The following GPC6 variants were observed in gnomAD, a reference collection of about 807,000 sequenced individuals.
The protein encoded by GPC6 is glypican 6, also known as glypican-6.
GPC6 carries 14 observed loss-of-function variants against 55.2 expected under a neutral mutation model. The ratio of observed to expected loss-of-function variants is 0.25; its 90% CI spans 0.17 to 0.40. The LOEUF (loss-of-function observed/expected upper bound fraction) is 0.40, where lower values mean the gene tolerates loss of function less well. Among genes scored for constraint, GPC6 ranks in the 10% least tolerant of loss-of-function variants. GPC6 has a pLI of 1.00. For missense variants in GPC6, 641 were observed against 708.5 expected (o/e 0.90, Z 1.08); for synonymous variants, 278 against 259.6 (o/e 1.07, Z -0.68).
At chr13:93,697,443 A>C (rs185374973) in intron 2 of GPC6, among the ~76,000 whole-genome samples, 2 of 152,038 alleles carry the variant, frequency 1.3e-5, no homozygotes, top group Non-Finnish European at 2.9e-5. Context: ...ATTTACTACT[A>C]TCCAACTTAA....
intron 1 of GPC6, among the ~76,000 whole-genome samples, chr13:93,333,112 T>C (rs1268448323): frequency 6.6e-6 from 1 of 152,204 alleles, no homozygotes; most frequent in Non-Finnish European, 1.5e-5. Context: ...CGCTTTGTAG[T>C]ATATTTCGAA....
chr13:93,379,392 A>G (rs1193935956), intron 1 of GPC6, among the ~76,000 whole-genome samples: 2 of 152,222 alleles, frequency 1.3e-5, no homozygotes, highest in African/African-American at 4.8e-5. Context: ...CATATAAGAA[A>G]TCTATTAAGA....
intron 4 of GPC6, among the ~76,000 whole-genome samples, chr13:94,129,880 A>G (rs990877532): frequency 6.6e-6 from 1 of 152,184 alleles, no homozygotes; most frequent in Non-Finnish European, 1.5e-5. Context: ...GAATGAGGTC[A>G]GTAGGATAAA....
At chr13:93,394,178 T>C (rs1184963601) in intron 1 of GPC6, among the ~76,000 whole-genome samples, 1 of 152,186 alleles carries the variant, frequency 6.6e-6, no homozygotes, top group Non-Finnish European at 1.5e-5. Flanking sequence ...GAAAATATCA[T>C]TTTCTTTCTT....
chr13:94,118,337 T>C (rs970128403), intron 4 of GPC6, among the ~76,000 whole-genome samples: 1 of 152,090 alleles, frequency 6.6e-6, no homozygotes, highest in African/African-American at 2.4e-5. Flanking sequence ...AAAATGGATA[T>C]GTTTGCTTCC....
chr13:94,285,666 A>C (rs1230714937), intron 4 of GPC6, among the ~76,000 whole-genome samples: 2 of 152,212 alleles, frequency 1.3e-5, no homozygotes, highest in African/African-American at 4.8e-5. Context: ...TGATGTCTTC[A>C]ACAGAAAACT....
chr13:93,755,124 A>G (rs1158183358), intron 2 of GPC6, among the ~76,000 whole-genome samples: 1 of 152,248 alleles, frequency 6.6e-6, no homozygotes, highest in Non-Finnish European at 1.5e-5. Context: ...GTTTCTAAAC[A>G]TATAGCAAGT....
intron 1 of GPC6, among the ~76,000 whole-genome samples, chr13:93,438,892 T>C (rs992330097): frequency 6.6e-6 from 1 of 152,064 alleles, no homozygotes; most frequent in African/African-American, 2.4e-5. Flanking sequence ...CATTTTATTG[T>C]TGTCCTATTT....
intron 2 of GPC6, among the ~76,000 whole-genome samples, chr13:93,793,499 C>T (rs1306613153): frequency 6.6e-6 from 1 of 151,902 alleles, no homozygotes; most frequent in Non-Finnish European, 1.5e-5. Context: ...TTGGTGAATT[C>T]CATGCTAAGA....
chr13:93,354,917 G>A (rs982956963), intron 1 of GPC6, among the ~76,000 whole-genome samples: 1 of 152,046 alleles, frequency 6.6e-6, no homozygotes, highest in Non-Finnish European at 1.5e-5. Context: ...ACCTTCCTGT[G>A]TTTTTATCTA....
At chr13:94,301,860 G>A (rs963500886) in intron 5 of GPC6, among the ~76,000 whole-genome samples, 12 of 152,062 alleles carry the variant, frequency 7.9e-5, no homozygotes, top group Admixed American at 5.9e-4. Flanking sequence ...TTGAACCTAT[G>A]GCCCTATCCA....
chr13:94,254,953 T>C (rs1891461033), intron 4 of GPC6, among the ~76,000 whole-genome samples: 1 of 152,156 alleles, frequency 6.6e-6, no homozygotes, highest in South Asian at 2.1e-4. Context: ...ATTTAGAACA[T>C]CTGGAAAGCA....
At chr13:94,157,807 A>C (rs888322534) in intron 4 of GPC6, among the ~76,000 whole-genome samples, 4 of 152,190 alleles carry the variant, frequency 2.6e-5, no homozygotes, top group African/African-American at 9.6e-5. Flanking sequence ...CACGTCAGCC[A>C]TGTGAGACAT....
chr13:94,013,273 C>T (rs1566286318), intron 3 of GPC6, among the ~76,000 whole-genome samples: 1 of 151,928 alleles, frequency 6.6e-6, no homozygotes, highest in African/African-American at 2.4e-5. Flanking sequence ...TTTGGAAATA[C>T]TCCAGTCTTT....
intron 1 of GPC6, among the ~76,000 whole-genome samples, chr13:93,381,505 G>C (rs1392254962): frequency 6.6e-6 from 1 of 152,024 alleles, no homozygotes; most frequent in African/African-American, 2.4e-5. Flanking sequence ...TCATATTCAG[G>C]TCTCTGAAAT....
chr13:93,936,738 G>T (rs921476996), intron 3 of GPC6, among the ~76,000 whole-genome samples: 1 of 152,262 alleles, frequency 6.6e-6, no homozygotes, highest in East Asian at 1.9e-4. Flanking sequence ...AAGAAAAAAT[G>T]AGAGACCTAC....
At chr13:93,705,374 CAGAGT>C (rs1455764436) in intron 2 of GPC6, among the ~76,000 whole-genome samples, 1 of 151,836 alleles carries the variant, frequency 6.6e-6, no homozygotes, top group Non-Finnish European at 1.5e-5. Context: ...AGCAGCATGA[CAGAGT>C]AATTTTGTTG....
At chr13:93,376,483 A>G (rs1170732861) in intron 1 of GPC6, among the ~76,000 whole-genome samples, 1 of 152,194 alleles carries the variant, frequency 6.6e-6, no homozygotes, top group African/African-American at 2.4e-5. Flanking sequence ...TGCCTTAGTC[A>G]GTGGATAGTA....
At chr13:94,219,446 G>A (rs1335009336) in intron 4 of GPC6, among the ~76,000 whole-genome samples, 2 of 152,162 alleles carry the variant, frequency 1.3e-5, no homozygotes, top group African/African-American at 4.8e-5. Context: ...ATCATTCTGT[G>A]CTTGGCAGGC....
Sources: gnomAD v4.1 joint callset for allele counts (sites outside exome capture counted in the v4.1 genomes callset) on GRCh38, gnomAD v4.1.1 for gene constraint, MANE v1.5 for transcripts, NCBI Gene and HGNC (gene_info 2026-07-23, HGNC 2026-07-21) for gene names.